BCAS3: variants seen among roughly 807,000 people sequenced by gnomAD.
BCAS3 encodes BCAS3 microtubule associated cell migration factor, also known as BCAS4/BCAS3 fusion.
BCAS3 carries 53 observed loss-of-function variants against 116.1 expected under a neutral mutation model. That is an observed-to-expected ratio of 0.46 (90% CI 0.37 to 0.57). The LOEUF (loss-of-function observed/expected upper bound fraction) is 0.57. BCAS3 is among the 20% of genes least tolerant of loss of function. The pLI, the probability that BCAS3 is intolerant of heterozygous loss-of-function variation, is 0.00. For missense variants in BCAS3, 917 were observed against 1,165.4 expected (o/e 0.79, Z 3.10); for synonymous variants, 391 against 408.2 (o/e 0.96, Z 0.51).
At chr17:60,787,719 T>C (rs2046398938) in intron 6 of BCAS3, among the ~76,000 whole-genome samples, 1 of 152,062 alleles carries the variant, frequency 6.6e-6, no homozygotes, top group African/African-American at 2.4e-5. Context: ...CCCAGAAAAG[T>C]ATACAAGTGG....
Position 61,007,643 on chromosome 17 carries a change from C to T in BCAS3, c.1487-8108C>T, listed in dbSNP as rs1032185042. ...AGCCCTAGGCAAAGCTCCATGCAGG[C>T]TACTTTGTATGTAGTGGGGAGAAGT... On this transcript the variant is annotated intron_variant, in intron 15 of 23. Coordinates refer to ENST00000407086, the MANE Select transcript of BCAS3 (RefSeq NM_017679.5). This position sits in a 1 kb window ranked among gnomAD's most constrained non-coding sequence, Gnocchi z 4.3. Among the ~76,000 whole-genome samples the T allele has an allele frequency of 6.6e-6, 1 of 151,808 alleles. No homozygotes were observed. The highest frequency in any genetic ancestry group is 1.5e-5 in the Non-Finnish European group (1 of 67,942).
At chr17:61,022,829 T>C (rs542644210) in intron 16 of BCAS3, among the ~76,000 whole-genome samples, 1 of 152,108 alleles carries the variant, frequency 6.6e-6, no homozygotes, top group East Asian at 1.9e-4. Context: ...TGTGAAGAGA[T>C]AGGTCTTGCT....
rs960935804 is a variant in BCAS3, at chr17:61,344,553, A to G, written c.2426-23774A>G. ...TCTGCCCCCATGGGGCTTATATTCT[A>G]GAGGAGGAAACAGCCAGCAGTGGCA... On this transcript the variant is annotated intron_variant, in intron 22 of 23. Coordinates refer to ENST00000407086, the MANE Select transcript of BCAS3 (RefSeq NM_017679.5). This position sits in a 1 kb window ranked among gnomAD's most constrained non-coding sequence, Gnocchi z 4.1. Among the ~76,000 whole-genome samples the G allele has an allele frequency of 1.3e-5, 2 of 152,184 alleles. No individual in the cohort carries two copies. Among genetic ancestry groups the G allele is most frequent in the African/African-American group, 4.8e-5 (2 of 41,434 alleles).
chr17:61,242,059 C>G (rs2047567745), intron 22 of BCAS3, among the ~76,000 whole-genome samples: 1 of 152,030 alleles, frequency 6.6e-6, no homozygotes, highest in Non-Finnish European at 1.5e-5. Context: ...GGCAGATCAC[C>G]TGAGGTTGGG....
At chr17:61,274,837 G>T (rs754036579) in intron 22 of BCAS3, among the ~76,000 whole-genome samples, 1 of 152,074 alleles carries the variant, frequency 6.6e-6, no homozygotes, top group Admixed American at 6.5e-5. Context: ...AATTGTCTGT[G>T]TAGAAAAACC....
At chr17:61,092,796 C>T (rs938490627) in intron 22 of BCAS3, among the ~76,000 whole-genome samples, 69 of 151,154 alleles carry the variant, frequency 4.6e-4, no homozygotes, top group Non-Finnish European at 3.4e-4. Flanking sequence ...CAGTTAATTG[C>T]GTTTTCACTT....
rs2059330436 is a variant in BCAS3 at position 61,376,174 on chromosome 17, A to T, written c.2593+7680A>T. On this transcript the variant is annotated intron_variant, in intron 23 of 23. Coordinates refer to ENST00000407086, the MANE Select transcript of BCAS3 (RefSeq NM_017679.5). The surrounding 1 kb of genome is among the most constrained non-coding windows in gnomAD (Gnocchi z 4.5). Reference sequence around the variant, plus strand: ...AGAAAGCTGGAGAAGTGACATTTACATGTGTTATGTGGGCCTCTCAGGTCC... The same window carrying T: ...AGAAAGCTGGAGAAGTGACATTTACTTGTGTTATGTGGGCCTCTCAGGTCC... 6.6e-6 allele frequency among the ~76,000 whole-genome samples: 1 copy of T among 152,194 alleles called. No homozygotes were observed. The highest frequency in any genetic ancestry group is 1.5e-5 in the Non-Finnish European group (1 of 68,022).
Position 60,983,043 on chromosome 17 carries a change from T to G in BCAS3, c.1222-6928T>G, listed in dbSNP as rs544015484. ...TGAGTGTCTTAAAGAAAAAAATATA[T>G]AAATATGTTTGTGTCCTAAATTTGA... is the stretch of plus-strand genomic sequence containing the variant. On this transcript the variant is annotated intron_variant, in intron 14 of 23. Coordinates refer to ENST00000407086, the MANE Select transcript of BCAS3 (RefSeq NM_017679.5). Among the ~76,000 whole-genome samples the G allele has an allele frequency of 2.7e-4, 41 of 152,316 alleles. No individual in the cohort carries two copies. The South Asian group carries it at 7.9e-3, about 29-fold the overall frequency.
intron 22 of BCAS3, among the ~76,000 whole-genome samples, chr17:61,099,029 C>A (rs1306938706): frequency 2.6e-5 from 4 of 152,120 alleles, no homozygotes. Flanking sequence ...GAGGCTGAGG[C>A]AGGAGAATGT....
At chr17:60,876,980 G>A (rs943461581) in intron 9 of BCAS3, among the ~76,000 whole-genome samples, 13 of 151,820 alleles carry the variant, frequency 8.6e-5, no homozygotes, top group Middle Eastern at 3.2e-3. Context: ...AATTATGTTC[G>A]GTTTCAAAGC....
chr17:61,277,542 C>G (rs2050871130), intron 22 of BCAS3, among the ~76,000 whole-genome samples: 1 of 152,040 alleles, frequency 6.6e-6, no homozygotes, highest in Non-Finnish European at 1.5e-5. Flanking sequence ...AGAACCACAT[C>G]AGGAAAGTAA....
At position 61,333,152 on chromosome 17, in the gene BCAS3, G is replaced by A. The variant is rs542240345; in HGVS notation, c.2426-35175G>A. On this transcript the variant is annotated intron_variant, in intron 22 of 23. Coordinates refer to ENST00000407086, the MANE Select transcript of BCAS3 (RefSeq NM_017679.5). The surrounding 1 kb of genome is among the most constrained non-coding windows in gnomAD (Gnocchi z 4.8). ...CACACCTATTTCTGGACCTTTATTG[G>A]CAGGTGGGTCAGAGAGGACACCTGT... is the stretch of plus-strand genomic sequence containing the variant. 2.0e-5 allele frequency among the ~76,000 whole-genome samples: 3 copies of A among 152,266 alleles called. No homozygotes were observed. The highest frequency in any genetic ancestry group is 2.0e-4 in the Admixed American group (3 of 15,286).
At chr17:60,687,853 A>T (rs904448079) in intron 3 of BCAS3, among the ~76,000 whole-genome samples, 1 of 152,140 alleles carries the variant, frequency 6.6e-6, no homozygotes, top group African/African-American at 2.4e-5. Context: ...TGAGTAAAAA[A>T]CACCATGTCC....
chr17:60,792,171 A>C (rs2046829563), intron 6 of BCAS3, among the ~76,000 whole-genome samples: 1 of 152,156 alleles, frequency 6.6e-6, no homozygotes, highest in South Asian at 2.1e-4. Flanking sequence ...CAATGTTGGA[A>C]ATGTTGGGAG....
chr17:61,292,292 C>T (rs1296199207), intron 22 of BCAS3, among the ~76,000 whole-genome samples: 1 of 152,078 alleles, frequency 6.6e-6, no homozygotes. Flanking sequence ...TTGTATTTTT[C>T]TTTTTTATTC....
At position 60,810,615 on chromosome 17, in the gene BCAS3, C is replaced by T. The variant is rs543126081; in HGVS notation, c.476+2539C>T. 2.8e-5 allele frequency: 20 copies of T among 705,264 alleles called. No homozygotes were observed. In the Admixed American group the frequency reaches 3.0e-4, roughly 11 times the overall value. 43.7% of individuals were successfully genotyped at this position (705,264 alleles called of 1,614,324 possible). On this transcript the variant is annotated intron_variant, in intron 7 of 23. Coordinates refer to ENST00000407086, the MANE Select transcript of BCAS3 (RefSeq NM_017679.5). ...CAAATACTGTGGACAGTGCCTGCAT[C>T]GTTCTGCAAATCAACAGTGCCTGTG...
intron 22 of BCAS3, among the ~76,000 whole-genome samples, chr17:61,160,772 G>A (rs940167362): frequency 5.3e-5 from 8 of 152,166 alleles, no homozygotes; most frequent in Admixed American, 2.0e-4. Context: ...AGCGGGGGTT[G>A]GGTAAGGAAG....
intron 6 of BCAS3, among the ~76,000 whole-genome samples, chr17:60,768,532 C>G (rs2044339306): frequency 6.6e-6 from 1 of 152,222 alleles, no homozygotes; most frequent in Non-Finnish European, 1.5e-5. Flanking sequence ...CTCCTTTCTT[C>G]TCACCTTGCA....
intron 4 of BCAS3, among the ~76,000 whole-genome samples, chr17:60,708,796 G>A (rs1007447208): frequency 2.2e-4 from 33 of 152,064 alleles, no homozygotes; most frequent in African/African-American, 8.0e-4. Context: ...CCAAAGTGCT[G>A]GGATCACAGA....
Sources: gnomAD v4.1 joint callset for allele counts (sites outside exome capture counted in the v4.1 genomes callset) on GRCh38, gnomAD v4.1.1 for gene constraint, Gnocchi (gnomAD v3.1) non-coding constraint, MANE v1.5 for transcripts, NCBI Gene and HGNC (gene_info 2026-07-23, HGNC 2026-07-21) for gene names.